Variants in SYT16 observed in about 807,000 individuals in gnomAD.
SYT16 encodes the protein synaptotagmin-16.
Under a neutral mutation model 61.4 loss-of-function variants are expected in SYT16, and 42 were observed. That is an observed-to-expected ratio of 0.68 (90% CI 0.53 to 0.89). SYT16 has a LOEUF of 0.89. SYT16 is among the 40% of genes least tolerant of loss of function. The pLI, the probability that SYT16 is intolerant of heterozygous loss-of-function variation, is 0.00. For missense variants in SYT16, 804 were observed against 807.3 expected (o/e 1.00, Z 0.05); for synonymous variants, 314 against 302.3 (o/e 1.04, Z -0.40).
chr14:61,936,863 G>C (rs902344023), intron 1 of SYT16, among the ~76,000 whole-genome samples: 2 of 152,128 alleles, frequency 1.3e-5, no homozygotes, highest in African/African-American at 4.8e-5. Context: ...AATTCAACCT[G>C]TTTTCAGGTT....
At chr14:61,939,009 C>T (rs930242434) in intron 1 of SYT16, among the ~76,000 whole-genome samples, 4 of 152,172 alleles carry the variant, frequency 2.6e-5, no homozygotes, top group Non-Finnish European at 5.9e-5. Flanking sequence ...GTGGCGGGTG[C>T]CTATAATCCC....
intron 2 of SYT16, among the ~76,000 whole-genome samples, chr14:61,980,269 T>G (rs1180493074): frequency 1.3e-5 from 2 of 152,226 alleles, no homozygotes; most frequent in African/African-American, 4.8e-5. Context: ...TACATTATAT[T>G]GCACTATGAA....
chr14:61,838,015 A>G (rs1392907542), intron 1 of SYT16, among the ~76,000 whole-genome samples: 1 of 152,228 alleles, frequency 6.6e-6, no homozygotes, highest in Non-Finnish European at 1.5e-5. Flanking sequence ...CTGTAATGAC[A>G]TCTTGACATA....
intron 1 of SYT16, among the ~76,000 whole-genome samples, chr14:61,815,155 C>A (rs914550830): frequency 1.3e-5 from 2 of 152,156 alleles, no homozygotes; most frequent in African/African-American, 4.8e-5. Context: ...GTCTGGGGTG[C>A]ATCCTGAGAA....
chr14:62,075,630 A>G (rs1337934221), intron 5 of SYT16, among the ~76,000 whole-genome samples: 2 of 151,072 alleles, frequency 1.3e-5, no homozygotes, highest in Admixed American at 6.6e-5. Context: ...GAAAAAAAGA[A>G]AAAAAAATAA....
chr14:61,940,137 T>G (rs1775150832), intron 1 of SYT16, among the ~76,000 whole-genome samples: 1 of 152,220 alleles, frequency 6.6e-6, no homozygotes, highest in African/African-American at 2.4e-5. Context: ...ACAGATGCAT[T>G]AAGTTGCAAC....
At chr14:61,992,929 CT>C (rs2052615349) in intron 2 of SYT16, among the ~76,000 whole-genome samples, 1 of 151,884 alleles carries the variant, frequency 6.6e-6, no homozygotes, top group Admixed American at 6.6e-5. Context: ...ATCATAATGG[CT>C]TTTTTTCTTT....
At chr14:61,897,211 T>C (rs1360864086) in intron 1 of SYT16, 1 of 152,242 alleles carries the variant, frequency 6.6e-6, no homozygotes, top group Middle Eastern at 3.2e-3. Context: ...ACAGAGACCA[T>C]ATGGCCTACA....
chr14:61,959,082 G>A (rs1337581795), intron 1 of SYT16, among the ~76,000 whole-genome samples: 1 of 151,898 alleles, frequency 6.6e-6, no homozygotes, highest in African/African-American at 2.4e-5. Flanking sequence ...CTGTCTTTTG[G>A]TTACTATTTG....
intron 3 of SYT16, among the ~76,000 whole-genome samples, chr14:62,051,125 C>T (rs112561671): frequency 0.07 from 10,626 of 152,280 alleles, 478 homozygotes; most frequent in East Asian, 0.12. Context: ...CCACCCAGTT[C>T]GAGCTTCCCG....
At chr14:62,073,883 T>C (rs1417010270) in intron 4 of SYT16, among the ~76,000 whole-genome samples, 1 of 152,212 alleles carries the variant, frequency 6.6e-6, no homozygotes, top group Non-Finnish European at 1.5e-5. Context: ...GACTATGCAG[T>C]AGATATATGT....
intron 1 of SYT16, among the ~76,000 whole-genome samples, chr14:61,930,766 C>T (rs547232502): frequency 5.5e-4 from 84 of 151,910 alleles, no homozygotes; most frequent in African/African-American, 1.9e-3. Context: ...GGGAAGCAGA[C>T]GAAGAGGTCA....
At chr14:61,901,021 A>G (rs915434854) in intron 1 of SYT16, among the ~76,000 whole-genome samples, 1 of 152,082 alleles carries the variant, frequency 6.6e-6, no homozygotes, top group Non-Finnish European at 1.5e-5. Flanking sequence ...ATGGTCTTGG[A>G]AGGGTTCTGT....
chr14:61,986,456 T>G (rs1201690282), intron 2 of SYT16, among the ~76,000 whole-genome samples: 3 of 149,942 alleles, frequency 2.0e-5, no homozygotes, highest in African/African-American at 4.9e-5. Context: ...TATATATATA[T>G]ATATTTTTAT....
chr14:61,981,226 A>T (rs149341291), intron 2 of SYT16, among the ~76,000 whole-genome samples: 3 of 152,196 alleles, frequency 2.0e-5, no homozygotes, highest in Non-Finnish European at 4.4e-5. Context: ...CATAGAGTAC[A>T]CTGATTTAAT....
At chr14:62,050,898 C>A (rs560144244) in intron 3 of SYT16, among the ~76,000 whole-genome samples, 3 of 152,246 alleles carry the variant, frequency 2.0e-5, no homozygotes, top group South Asian at 4.2e-4. Context: ...AGGTGACTCC[C>A]AGTTAGGCTA....
intron 4 of SYT16, among the ~76,000 whole-genome samples, chr14:62,072,462 A>G (rs2056336285): frequency 6.6e-6 from 1 of 152,194 alleles, no homozygotes; most frequent in Non-Finnish European, 1.5e-5. Flanking sequence ...TAACAGAAAT[A>G]CACAGCCCCC....
At chr14:61,931,784 G>A (rs888630168) in intron 1 of SYT16, among the ~76,000 whole-genome samples, 3 of 151,970 alleles carry the variant, frequency 2.0e-5, no homozygotes, top group South Asian at 2.1e-4. Flanking sequence ...AAGTTTTAGG[G>A]TACATGTGCA....
chr14:61,888,125 C>CTTTTTT (rs756842240), intron 1 of SYT16, among the ~76,000 whole-genome samples: 9 of 134,190 alleles, frequency 6.7e-5, no homozygotes, highest in Non-Finnish European at 9.6e-5. Flanking sequence ...CTTTTCTTTT[C>CTTTTTT]TTTTTTTTTT....
Sources: gnomAD v4.1 joint callset for allele counts (sites outside exome capture counted in the v4.1 genomes callset) on GRCh38, gnomAD v4.1.1 for gene constraint, MANE v1.5 for transcripts, NCBI Gene and HGNC (gene_info 2026-07-23, HGNC 2026-07-21) for gene names.